ARFGEF3: variants seen among roughly 807,000 people sequenced by gnomAD.
The protein encoded by ARFGEF3 is brefeldin A-inhibited guanine nucleotide-exchange protein 3.
ARFGEF3 carries 96 observed loss-of-function variants against 221.7 expected under a neutral mutation model. That is an observed-to-expected ratio of 0.43 (90% CI 0.37 to 0.51). ARFGEF3 has a LOEUF of 0.51. Ranked by LOEUF, ARFGEF3 falls within the 20% of genes least tolerant of loss-of-function variation. ARFGEF3 has a pLI of 0.00. For missense variants in ARFGEF3, 2,410 were observed against 2,789.9 expected (o/e 0.86, Z 3.07); for synonymous variants, 1,145 against 1,126.8 (o/e 1.02, Z -0.32).
At chr6:138,194,524 A>G (rs1290622940) in intron 2 of ARFGEF3, among the ~76,000 whole-genome samples, 1 of 152,200 alleles carries the variant, frequency 6.6e-6, no homozygotes, top group East Asian at 1.9e-4. Flanking sequence ...AGGGCAGAGC[A>G]ATTTCCATAG....
chr6:138,206,408 C>A (rs1054915893), intron 2 of ARFGEF3, among the ~76,000 whole-genome samples: 1 of 149,616 alleles, frequency 6.7e-6, no homozygotes, highest in Non-Finnish European at 1.5e-5. Flanking sequence ...CTCTTATCGG[C>A]CAATGCTATT....
At chr6:138,315,113 A>G (rs1021046238) in intron 26 of ARFGEF3, among the ~76,000 whole-genome samples, 2 of 152,242 alleles carry the variant, frequency 1.3e-5, no homozygotes, top group African/African-American at 4.8e-5. Context: ...TATCTTTTAG[A>G]AAACAAATCA....
At position 138,293,975 on chromosome 6, in the gene ARFGEF3, C is replaced by T; in HGVS notation, c.3369-18C>T. 1.2e-6 allele frequency: 2 copies of T among 1,610,400 alleles called. No individual in the cohort carries two copies. The highest frequency in any genetic ancestry group is 1.1e-5 in the South Asian group (1 of 90,072). On this transcript the variant is annotated intron_variant, in intron 19 of 33. Coordinates refer to ENST00000251691, the MANE Select transcript of ARFGEF3 (RefSeq NM_020340.5). ...TGAATTGTTTCCAAAGAACACATCT[C>T]TTTCTGTTTGCATCCAGGCTCTTTG...
chr6:138,229,947 G>C (rs945030710), intron 5 of ARFGEF3, 95 bp downstream of exon 5: 53 of 1,010,926 alleles, frequency 5.2e-5, no homozygotes, highest in Non-Finnish European at 7.2e-5. Flanking sequence ...GCACTGGAGT[G>C]AATCCTTCTC....
intron 26 of ARFGEF3, among the ~76,000 whole-genome samples, chr6:138,314,221 A>C (rs1281880219): frequency 6.6e-6 from 1 of 152,150 alleles, no homozygotes; most frequent in East Asian, 1.9e-4. Context: ...TGGTGGGGAG[A>C]GGCAGGGGGA....
Position 138,238,625 on chromosome 6 carries a change from G to C in ARFGEF3, c.537G>C (p.Glu179Asp). Reference protein sequence around the residue: ...DLTLQLRQRQENTIIENPDVP... With the variant: ...DLTLQLRQRQDNTIIENPDVP... ...CTTTACAGTTACGACAGAGGCAGGA[G>C]AATACGGTGAGTCTGTGACACCCCC... Residue 179 changes from glutamate (E) to aspartate (D), a missense_variant, in exon 6 of 34, where the codon GAG (glutamate) becomes GAC (aspartate). Glu to Asp is a conservative substitution (Grantham distance 45). Around this residue, in one of 5 missense-constraint regions of ARFGEF3, gnomAD observed 570 missense variants for 586.9 expected, o/e 0.97. Transcript: ENST00000251691. 1 of 1,613,390 alleles carries C rather than the reference G, an allele frequency of 6.2e-7. No homozygotes were observed. Among genetic ancestry groups the C allele is most frequent in the African/African-American group, 1.3e-5 (1 of 75,014 alleles).
intron 4 of ARFGEF3, chr6:138,215,893 A>T (rs1180288347): frequency 7.4e-4 from 71 of 96,150 alleles, no homozygotes; most frequent in African/African-American, 3.2e-3. Context: ...TGTGTGAAAG[A>T]GAGAGAGAGA....
Position 138,263,441 on chromosome 6 carries a change from T to A in ARFGEF3, c.1958T>A (p.Leu653Gln). 6.2e-7 allele frequency: 1 copy of A among 1,613,972 alleles called. No homozygotes were observed. Among genetic ancestry groups the A allele is most frequent in the Non-Finnish European group, 8.5e-7 (1 of 1,179,896 alleles). The part of the protein sequence containing the change: ...TPRDCLGHRS[L>Q]RTAALSLKLL... Reference sequence around the variant, plus strand: ...CGGGACTGCCTAGGCCACCGGTCCCTGCGAACTGCCGCCCTGTCTCTAAAA... The same window carrying A: ...CGGGACTGCCTAGGCCACCGGTCCCAGCGAACTGCCGCCCTGTCTCTAAAA... The change falls in exon 12 of 34, where the codon CTG becomes CAG. Residue 653 changes from leucine (L) to glutamine (Q), a missense_variant. Coordinates refer to ENST00000251691, the MANE Select transcript of ARFGEF3 (RefSeq NM_020340.5).
At chr6:138,280,819 C>A (rs1431224725) in intron 14 of ARFGEF3, among the ~76,000 whole-genome samples, 2 of 152,158 alleles carry the variant, frequency 1.3e-5, no homozygotes, top group African/African-American at 4.8e-5. Flanking sequence ...CCACTGTACT[C>A]CAGCCTGGGC....
At chr6:138,202,787 T>C (rs141366418) in intron 2 of ARFGEF3, among the ~76,000 whole-genome samples, 24 of 152,258 alleles carry the variant, frequency 1.6e-4, no homozygotes, top group African/African-American at 5.8e-4. Flanking sequence ...AATAGCACTA[T>C]TGACGTAGAC....
intron 2 of ARFGEF3, among the ~76,000 whole-genome samples, chr6:138,204,376 C>A (rs536943621): frequency 3.9e-4 from 58 of 149,064 alleles, no homozygotes; most frequent in African/African-American, 1.4e-3. Flanking sequence ...ATTTGATTTG[C>A]CTATCCCATG....
rs546048690 is a variant in ARFGEF3, at chr6:138,255,641, G to A, written c.976G>A (p.Ala326Thr). Residue 326 changes from alanine to threonine, a missense_variant, in exon 10 of 34, where the codon GCA (alanine) becomes ACA (threonine). Physicochemically the swap from Ala to Thr is moderately conservative, Grantham distance 58. Around this residue, in one of 5 missense-constraint regions of ARFGEF3, gnomAD observed 570 missense variants for 586.9 expected, o/e 0.97. Transcript: ENST00000251691. Reference protein sequence around the residue: ...GPVARTIYYIAAELVRLVGSV... With the variant: ...GPVARTIYYITAELVRLVGSV... ...TGTGGCTCGGACTATCTATTACATC[G>A]CAGCCGAGCTGGTCCGGCTGGTGGG... is the stretch of plus-strand genomic sequence containing the variant. 1.2e-5 allele frequency: 20 copies of A among 1,613,862 alleles called. No individual in the cohort carries two copies. Among genetic ancestry groups the A allele is most frequent in the Admixed American group, 5.0e-5 (3 of 60,018 alleles).
chr6:138,218,419 T>C (rs11758517), intron 4 of ARFGEF3: 127,603 of 1,508,860 alleles, frequency 0.085, 7,792 homozygotes, highest in East Asian at 0.36. Context: ...AATTGAATTG[T>C]AGCTCTGTAG....
intron 4 of ARFGEF3, among the ~76,000 whole-genome samples, chr6:138,228,172 A>ATTTTT (rs549915422): frequency 1.2e-4 from 13 of 106,430 alleles, no homozygotes; most frequent in South Asian, 2.9e-4. Flanking sequence ...CACTGAGACA[A>ATTTTT]TTTTTTTTTT....
At chr6:138,303,860 C>CAA (rs140349507) in intron 22 of ARFGEF3, among the ~76,000 whole-genome samples, 1,546 of 20,572 alleles carry the variant, frequency 0.075, 323 homozygotes, top group East Asian at 0.27. Flanking sequence ...GACTCCGTCT[C>CAA]AAAAAAAAAA....
chr6:138,278,539 C>T lies in ARFGEF3; in HGVS notation c.2217C>T (p.His739=), dbSNP rs1212296916. 6 of 1,613,908 alleles carry T rather than the reference C, an allele frequency of 3.7e-6. No homozygotes were observed. Among genetic ancestry groups the T allele is most frequent in the Middle Eastern group, 1.6e-4 (1 of 6,084 alleles). Residue 739 remains histidine (H), a synonymous_variant, in exon 13 of 34, where the codon CAC becomes CAT. Coordinates refer to ENST00000251691, the MANE Select transcript of ARFGEF3 (RefSeq NM_020340.5). ...MNADSLYTAA[H]CALLLNLKLS... is the part of the protein sequence containing the mutation. Reference sequence around the variant, plus strand: ...CAGACAGCCTCTACACAGCTGCACACTGCGCCCTGCTCCTCAACCTGAAGC... The same window carrying T: ...CAGACAGCCTCTACACAGCTGCACATTGCGCCCTGCTCCTCAACCTGAAGC...
At chr6:138,217,155 C>G (rs146340472) in intron 4 of ARFGEF3, 1 of 152,114 alleles carries the variant, frequency 6.6e-6, no homozygotes, top group Non-Finnish European at 1.5e-5. Context: ...CTATTAATAT[C>G]TTTTTAAAGC....
At chr6:138,323,794 C>T (rs1780078890) in intron 30 of ARFGEF3, 21 bp downstream of exon 30, 3 of 1,610,172 alleles carry the variant, frequency 1.9e-6, no homozygotes, top group Non-Finnish European at 2.5e-6. Context: ...GGGAGGAAGC[C>T]CTCCCTGGCA....
intron 18 of ARFGEF3, among the ~76,000 whole-genome samples, chr6:138,290,677 CAG>C (rs1779387135): frequency 1.3e-5 from 2 of 152,204 alleles, no homozygotes; most frequent in Admixed American, 1.3e-4. Context: ...GCCCATGGAA[CAG>C]GGCGGGGGCT....
Sources: allele counts gnomAD v4.1 joint callset (sites outside exome capture counted in the v4.1 genomes callset), GRCh38; gene constraint gnomAD v4.1.1; regional missense constraint gnomAD v4.1.1; transcripts MANE v1.5; gene names NCBI Gene and HGNC (gene_info 2026-07-23, HGNC 2026-07-21).